The following DLGAP1 variants were observed in gnomAD, a reference collection of about 807,000 sequenced individuals.
DLGAP1 encodes disks large-associated protein 1.
Under a neutral mutation model 90.8 loss-of-function variants are expected in DLGAP1, and 11 were observed. The observed-to-expected ratio is 0.12, with a 90% confidence interval of 0.08 to 0.20. The LOEUF (loss-of-function observed/expected upper bound fraction) is 0.20. Among genes scored for constraint, DLGAP1 ranks in the 10% least tolerant of loss-of-function variants. DLGAP1 has a pLI of 1.00. For synonymous variants in DLGAP1, 558 were observed against 540.7 expected (o/e 1.03, Z -0.44); for missense variants, 1,050 against 1,333.8 (o/e 0.79, Z 3.31).
chr18:3,959,406 T>C (rs1266646547), intron 3 of DLGAP1, among the ~76,000 whole-genome samples: 1 of 152,078 alleles, frequency 6.6e-6, no homozygotes, highest in African/African-American at 2.4e-5. Flanking sequence ...GTGGCGCATG[T>C]CTGTAATCCC....
intron 2 of DLGAP1, among the ~76,000 whole-genome samples, chr18:4,024,411 G>C (rs557882728): frequency 2.2e-4 from 33 of 152,306 alleles, no homozygotes; most frequent in South Asian, 1.4e-3. Context: ...CCATGTTCCT[G>C]ATCTGGATCA....
intron 4 of DLGAP1, chr18:3,822,088 C>T (rs1288393920): frequency 2.8e-6 from 2 of 709,422 alleles, no homozygotes; most frequent in African/African-American, 1.9e-5. Context: ...GATCCCTAGG[C>T]ATGATTGTTG....
chr18:4,382,555 A>G (rs1228627426), intron 1 of DLGAP1, among the ~76,000 whole-genome samples: 1 of 150,896 alleles, frequency 6.6e-6, no homozygotes, highest in African/African-American at 2.4e-5. Flanking sequence ...TTACTCTGTA[A>G]CTAATAAAAC....
At chr18:4,338,102 C>T (rs975469708) in intron 1 of DLGAP1, among the ~76,000 whole-genome samples, 1 of 152,136 alleles carries the variant, frequency 6.6e-6, no homozygotes, top group African/African-American at 2.4e-5. Flanking sequence ...TTAAAAAATT[C>T]CAATCAGTCT....
chr18:3,577,784 T>C (rs564476057), intron 8 of DLGAP1, among the ~76,000 whole-genome samples: 1 of 152,326 alleles, frequency 6.6e-6, no homozygotes, highest in African/African-American at 2.4e-5. Flanking sequence ...GCTCCAAATA[T>C]TGGCAAATGG....
At chr18:3,511,046 G>A (rs982706924) in intron 10 of DLGAP1, among the ~76,000 whole-genome samples, 1 of 152,202 alleles carries the variant, frequency 6.6e-6, no homozygotes, top group African/African-American at 2.4e-5. Flanking sequence ...TTGCCGTCAT[G>A]TTCCTTGCAT....
chr18:4,092,591 C>T (rs1175476172), intron 2 of DLGAP1, among the ~76,000 whole-genome samples: 1 of 152,088 alleles, frequency 6.6e-6, no homozygotes, highest in African/African-American at 2.4e-5. Context: ...TGTATTCTTT[C>T]CTTAACCAAA....
intron 7 of DLGAP1, among the ~76,000 whole-genome samples, chr18:3,617,583 C>G (rs926479773): frequency 7.3e-5 from 8 of 109,646 alleles, no homozygotes; most frequent in Non-Finnish European, 1.3e-4. Context: ...ACGAGTGAAA[C>G]TCCATCTCAA....
chr18:4,041,092 G>A (rs763100673), intron 2 of DLGAP1, among the ~76,000 whole-genome samples: 6 of 152,194 alleles, frequency 3.9e-5, no homozygotes, highest in Non-Finnish European at 7.3e-5. Flanking sequence ...CGCAGCACCC[G>A]AAGTGTTCCT....
chr18:3,672,147 G>T (rs1157067383), intron 7 of DLGAP1, among the ~76,000 whole-genome samples: 1 of 148,600 alleles, frequency 6.7e-6, no homozygotes. Flanking sequence ...TCTTTTAGAA[G>T]TTTTTTTCAA....
chr18:3,811,950 C>T (rs1479644698), intron 5 of DLGAP1, among the ~76,000 whole-genome samples: 1 of 152,176 alleles, frequency 6.6e-6, no homozygotes, highest in Non-Finnish European at 1.5e-5. Context: ...CTGTTCTCCT[C>T]TTACCTGGGT....
intron 1 of DLGAP1, among the ~76,000 whole-genome samples, chr18:4,259,409 TTGGA>T (rs1768801070): frequency 6.6e-6 from 1 of 152,216 alleles, no homozygotes; most frequent in African/African-American, 2.4e-5. Context: ...CATACACAGA[TTGGA>T]TACTCTGAGG....
intron 8 of DLGAP1, among the ~76,000 whole-genome samples, chr18:3,574,011 A>G (rs1352730548): frequency 1.3e-5 from 2 of 152,200 alleles, no homozygotes. Flanking sequence ...CTCTTTCCCC[A>G]GATTTAATAC....
intron 5 of DLGAP1, among the ~76,000 whole-genome samples, chr18:3,783,644 A>G (rs373908610): frequency 6.6e-6 from 1 of 152,182 alleles, no homozygotes; most frequent in African/African-American, 2.4e-5. Flanking sequence ...GGGCATGACT[A>G]CCAATAGGCA....
chr18:3,509,737 A>C (rs1328195981), intron 10 of DLGAP1, among the ~76,000 whole-genome samples: 2 of 152,180 alleles, frequency 1.3e-5, no homozygotes, highest in Non-Finnish European at 2.9e-5. Context: ...TTCCCCACAC[A>C]TTCTGAGCGA....
chr18:3,646,872 C>T (rs1472038586), intron 7 of DLGAP1, among the ~76,000 whole-genome samples: 1 of 152,034 alleles, frequency 6.6e-6, no homozygotes, highest in Non-Finnish European at 1.5e-5. Flanking sequence ...TTGCAGTGAG[C>T]CAAGATCGAA....
At chr18:3,507,127 C>T (rs779546601) in intron 11 of DLGAP1, among the ~76,000 whole-genome samples, 29 of 152,074 alleles carry the variant, frequency 1.9e-4, no homozygotes, top group Non-Finnish European at 3.4e-4. Flanking sequence ...TATTTTCTCT[C>T]GGTTGATCCC....
intron 7 of DLGAP1, among the ~76,000 whole-genome samples, chr18:3,644,401 T>TTTA (rs1555613021): frequency 9.3e-5 from 14 of 150,788 alleles, no homozygotes; most frequent in African/African-American, 3.0e-4. Context: ...TACTATTTTA[T>TTTA]TTTATTTATT....
At chr18:3,592,372 C>T (rs2056296233) in intron 7 of DLGAP1, among the ~76,000 whole-genome samples, 2 of 152,228 alleles carry the variant, frequency 1.3e-5, no homozygotes, top group South Asian at 4.1e-4. Context: ...CAACAAATGC[C>T]AGACAAATCA....
Sources: allele counts gnomAD v4.1 joint callset (sites outside exome capture counted in the v4.1 genomes callset), GRCh38; gene constraint gnomAD v4.1.1; transcripts MANE v1.5; gene names NCBI Gene and HGNC (gene_info 2026-07-23, HGNC 2026-07-21).